KALRN: variants seen among roughly 807,000 people sequenced by gnomAD.
KALRN encodes the protein kalirin.
Under a neutral mutation model 353.7 loss-of-function variants are expected in KALRN, and 70 were observed. The observed-to-expected ratio is 0.20, with a 90% CI of 0.16 to 0.24. KALRN has a LOEUF of 0.24. Among genes scored for constraint, KALRN ranks in the 10% least tolerant of loss-of-function variants. KALRN has a pLI of 1.00. For synonymous variants in KALRN, 1,391 were observed against 1,434.8 expected, an observed-to-expected ratio of 0.97 and a Z score of 0.69; for missense variants, 2,791 against 3,756.7, an observed-to-expected ratio of 0.74 and a Z score of 6.72.
chr3:124,167,269 A>G (rs2071023695), intron 1 of KALRN, among the ~76,000 whole-genome samples: 1 of 152,150 alleles, frequency 6.6e-6, no homozygotes, highest in African/African-American at 2.4e-5. Context: ...TCTGGTTGCT[A>G]GTCATGGTGG....
chr3:124,493,098 C>A (rs1244891783), intron 32 of KALRN, among the ~76,000 whole-genome samples: 3 of 152,214 alleles, frequency 2.0e-5, no homozygotes, highest in Non-Finnish European at 4.4e-5. Flanking sequence ...ATGATAAACA[C>A]TCTGCTAGGT....
intron 1 of KALRN, among the ~76,000 whole-genome samples, chr3:124,140,434 G>T (rs778279347): frequency 7.9e-5 from 12 of 152,204 alleles, no homozygotes; most frequent in Admixed American, 2.0e-4. Context: ...GCTCTTCTCT[G>T]TCTCTGTCAG....
chr3:124,229,283 A>C (rs1426887028), intron 2 of KALRN, among the ~76,000 whole-genome samples: 2 of 152,216 alleles, frequency 1.3e-5, no homozygotes, highest in East Asian at 1.9e-4. Flanking sequence ...AGAGCCCCTA[A>C]GGCAGTTGTT....
At chr3:124,607,791 T>C (rs906646349) in intron 34 of KALRN, among the ~76,000 whole-genome samples, 11 of 152,016 alleles carry the variant, frequency 7.2e-5, no homozygotes, top group African/African-American at 1.5e-4. Flanking sequence ...TAATTTTGTA[T>C]TTTTAGTAGA....
Position 124,702,177 on chromosome 3 carries a change from G to A in KALRN, c.8075+61G>A, listed in dbSNP as rs1477084142. On this transcript the variant is annotated intron_variant, in intron 57 of 59. Coordinates refer to ENST00000682506, the MANE Select transcript of KALRN (RefSeq NM_001388419.1). ...CACCTAGCAACATCACATCAGAACA[G>A]TAACTTTTTGTTGTTGTCATTGTTT... 4.0e-6 allele frequency: 4 copies of A among 996,730 alleles called. No individual in the cohort carries two copies. In the East Asian group the frequency reaches 7.3e-5, roughly 18 times the overall value. The allele number at this position is 996,730 out of a possible 1,614,324, so 61.7% of individuals were successfully genotyped here.
intron 5 of KALRN, among the ~76,000 whole-genome samples, chr3:124,284,115 T>C (rs1009703255): frequency 1.3e-5 from 2 of 152,204 alleles, no homozygotes; most frequent in Non-Finnish European, 2.9e-5. Context: ...TGGTGAGAAG[T>C]CTGCAATGTG....
chr3:124,357,759 G>C, intron 10 of KALRN, among the ~76,000 whole-genome samples: 1 of 152,094 alleles, frequency 6.6e-6, no homozygotes, highest in Non-Finnish European at 1.5e-5. Context: ...TCAGTTTTTT[G>C]CTATCCTCAC....
At chr3:124,602,582 A>G (rs1022003246) in intron 34 of KALRN, among the ~76,000 whole-genome samples, 6 of 152,194 alleles carry the variant, frequency 3.9e-5, no homozygotes, top group Non-Finnish European at 8.8e-5. Context: ...CAGAACTACC[A>G]GCTCTTCTAA....
intron 33 of KALRN, among the ~76,000 whole-genome samples, chr3:124,521,839 T>C (rs2067188838): frequency 6.6e-6 from 1 of 152,080 alleles, no homozygotes; most frequent in Non-Finnish European, 1.5e-5. Flanking sequence ...CTTTCTCATC[T>C]CCCAGATTCA....
intron 10 of KALRN, among the ~76,000 whole-genome samples, chr3:124,364,084 T>C (rs755118321): frequency 1.3e-5 from 2 of 152,248 alleles, no homozygotes; most frequent in Non-Finnish European, 1.5e-5. Flanking sequence ...TGTGAACTTA[T>C]TTATGCCTAG....
chr3:124,429,679 C>T (rs1359877015), intron 15 of KALRN, among the ~76,000 whole-genome samples: 2 of 152,196 alleles, frequency 1.3e-5, no homozygotes, highest in Non-Finnish European at 2.9e-5. Flanking sequence ...ACTGTCTAGA[C>T]AGTGTCAGCT....
At chr3:124,190,264 C>T (rs565047753) in intron 1 of KALRN, among the ~76,000 whole-genome samples, 1 of 152,166 alleles carries the variant, frequency 6.6e-6, no homozygotes, top group African/African-American at 2.4e-5. Flanking sequence ...TATGGCTGGC[C>T]CCCCACTGCT....
intron 6 of KALRN, among the ~76,000 whole-genome samples, chr3:124,318,255 T>A (rs947291942): frequency 4.6e-5 from 7 of 152,198 alleles, no homozygotes; most frequent in Admixed American, 1.3e-4. Flanking sequence ...CTCCACATGG[T>A]TTGGCCTACT....
chr3:124,438,222 A>G (rs1043750366), intron 17 of KALRN, among the ~76,000 whole-genome samples: 9 of 152,124 alleles, frequency 5.9e-5, no homozygotes, highest in African/African-American at 2.2e-4. Flanking sequence ...TTCTGAGTTC[A>G]TTTATAAGGT....
At chr3:124,701,716 C>T (rs1333691268) in intron 56 of KALRN, among the ~76,000 whole-genome samples, 1 of 152,102 alleles carries the variant, frequency 6.6e-6, no homozygotes, top group Non-Finnish European at 1.5e-5. Context: ...TTTTCTAGGT[C>T]TTCAAAGTGT....
intron 33 of KALRN, among the ~76,000 whole-genome samples, chr3:124,527,236 C>T (rs182173975): frequency 2.6e-5 from 4 of 152,012 alleles, no homozygotes; most frequent in East Asian, 3.9e-4. Flanking sequence ...CTGTGAGTGT[C>T]GGGGGAAATG....
rs548482081 is a variant in KALRN at position 124,714,826 on chromosome 3, G to A, written c.8276+1691G>A. On this transcript the variant is annotated intron_variant, in intron 58 of 59. Coordinates refer to ENST00000682506, the MANE Select transcript of KALRN (RefSeq NM_001388419.1). Reference sequence around the variant, plus strand: ...AGGTCAGGAGTTCGAGGCCAGCCTCGCCAACATGGTGAAACCCCATCTCTA... The same window carrying A: ...AGGTCAGGAGTTCGAGGCCAGCCTCACCAACATGGTGAAACCCCATCTCTA... Among the ~76,000 whole-genome samples, 282 of 152,216 alleles carry A rather than the reference G, an allele frequency of 1.9e-3. 3 individuals carry two copies. The highest frequency in any genetic ancestry group is 6.7e-3 in the African/African-American group (280 of 41,514).
intron 5 of KALRN, among the ~76,000 whole-genome samples, chr3:124,298,426 A>C (rs2077012330): frequency 6.6e-6 from 1 of 152,142 alleles, no homozygotes; most frequent in African/African-American, 2.4e-5. Flanking sequence ...CTCTTCTACT[A>C]GTGCGGCAGG....
chr3:124,299,575 T>C (rs976634), intron 6 of KALRN, among the ~76,000 whole-genome samples: 40,722 of 152,018 alleles, frequency 0.27, 6,418 homozygotes, highest in East Asian at 0.67. Context: ...GTTTGCTAAC[T>C]GTTTGGCCAG....
Sources: gnomAD v4.1 joint callset for allele counts (sites outside exome capture counted in the v4.1 genomes callset) on GRCh38, gnomAD v4.1.1 for gene constraint, MANE v1.5 for transcripts, NCBI Gene and HGNC (gene_info 2026-07-23, HGNC 2026-07-21) for gene names.